PRKCE: variants seen among roughly 807,000 people sequenced by gnomAD.
The protein encoded by PRKCE is protein kinase C epsilon, also known as protein kinase C epsilon type.
Under a neutral mutation model 85.4 loss-of-function variants are expected in PRKCE, and 16 were observed. The observed-to-expected ratio is 0.19, with a 90% CI of 0.13 to 0.28. The LOEUF (loss-of-function observed/expected upper bound fraction) is 0.28, where lower values mean the gene tolerates loss of function less well. Ranked by LOEUF, PRKCE falls within the 10% of genes least tolerant of loss-of-function variation. The pLI, the probability that PRKCE is intolerant of heterozygous loss-of-function variation, is 1.00. For missense variants in PRKCE, 573 were observed against 975.2 expected, an observed-to-expected ratio of 0.59 and a Z score of 5.49; for synonymous variants, 388 against 371.5, an observed-to-expected ratio of 1.04 and a Z score of -0.51.
chr2:46,148,708 C>A (rs1417859920), intron 12 of PRKCE, among the ~76,000 whole-genome samples: 1 of 152,234 alleles, frequency 6.6e-6, no homozygotes, highest in East Asian at 1.9e-4. Context: ...CTCCTACCCT[C>A]TGGTACCTTA....
chr2:45,752,347 C>T (rs142722394), intron 1 of PRKCE, among the ~76,000 whole-genome samples: 2,754 of 152,254 alleles, frequency 0.018, 44 homozygotes, highest in South Asian at 0.053. Flanking sequence ...GAGTTTTAAA[C>T]CCCAGCAATC....
At position 45,784,293 on chromosome 2, in the gene PRKCE, T is replaced by G. The variant is rs6711432; in HGVS notation, c.349-58707T>G. On this transcript the variant is annotated intron_variant, in intron 1 of 14. Coordinates refer to ENST00000306156, the MANE Select transcript of PRKCE (RefSeq NM_005400.3). ...AAGGTGGTCTTTGCAGAGGGAGCAG[T>G]GTTGACAAGGCCCCTGTAGGCGTGA... is the stretch of plus-strand genomic sequence containing the variant. Among the ~76,000 whole-genome samples, 758 of 152,316 alleles carry G rather than the reference T, an allele frequency of 5.0e-3. 8 individuals carry two copies. The highest frequency in any genetic ancestry group is 0.018 in the African/African-American group (728 of 41,568).
chr2:45,725,774 T>G (rs1681013326), intron 1 of PRKCE, among the ~76,000 whole-genome samples: 1 of 151,328 alleles, frequency 6.6e-6, no homozygotes, highest in Non-Finnish European at 1.5e-5. Flanking sequence ...GAGGTTGCAG[T>G]GAACCGAGAT....
At chr2:45,882,373 C>T (rs916552798) in intron 2 of PRKCE, among the ~76,000 whole-genome samples, 1 of 152,216 alleles carries the variant, frequency 6.6e-6, no homozygotes, top group African/African-American at 2.4e-5. Flanking sequence ...ACAAGCATCA[C>T]ACGTGGGTTA....
intron 10 of PRKCE, among the ~76,000 whole-genome samples, chr2:46,075,316 G>A (rs1403857331): frequency 5.9e-5 from 9 of 151,996 alleles, no homozygotes; most frequent in Non-Finnish European, 1.3e-4. Flanking sequence ...GATTACAGGC[G>A]TGAGCCACCG....
At chr2:46,028,384 A>G (rs914950590) in intron 10 of PRKCE, among the ~76,000 whole-genome samples, 8 of 152,254 alleles carry the variant, frequency 5.3e-5, no homozygotes, top group African/African-American at 1.9e-4. Flanking sequence ...AACTAAGAAG[A>G]TGCCAAACAT....
At chr2:46,113,938 T>C (rs1314676299) in intron 11 of PRKCE, among the ~76,000 whole-genome samples, 2 of 152,226 alleles carry the variant, frequency 1.3e-5, no homozygotes, top group African/African-American at 4.8e-5. Context: ...TCTTCAAGAC[T>C]ATTCAAGATA....
intron 10 of PRKCE, among the ~76,000 whole-genome samples, chr2:46,064,710 C>G (rs1667458158): frequency 6.6e-6 from 1 of 152,184 alleles, no homozygotes; most frequent in African/African-American, 2.4e-5. Flanking sequence ...CCTCATTGGC[C>G]TAAAACTGGT....
intron 1 of PRKCE, among the ~76,000 whole-genome samples, chr2:45,810,597 T>TG (rs1688587057): frequency 6.6e-6 from 1 of 152,116 alleles, no homozygotes; most frequent in South Asian, 2.1e-4. Context: ...TGCAATGTTT[T>TG]GGGGAGGACA....
At chr2:45,984,746 C>T (rs1472535296) in intron 6 of PRKCE, 66 bp downstream of exon 6, 1 of 1,545,084 alleles carries the variant, frequency 6.5e-7, no homozygotes, top group East Asian at 2.3e-5. Flanking sequence ...GCCCCCATCC[C>T]TGCTTTATAA....
intron 1 of PRKCE, among the ~76,000 whole-genome samples, chr2:45,842,715 C>T (rs1259127116): frequency 6.6e-6 from 1 of 152,026 alleles, no homozygotes; most frequent in Non-Finnish European, 1.5e-5. Flanking sequence ...AGAAGCAGCA[C>T]TCTCTCTCTC....
Position 45,834,547 on chromosome 2 carries a change from C to T in PRKCE, c.349-8453C>T, listed in dbSNP as rs1194612593. Among the ~76,000 whole-genome samples the T allele has an allele frequency of 2.0e-5, 3 of 152,082 alleles. No individual in the cohort carries two copies. The East Asian group carries it at 5.8e-4, about 29-fold the overall frequency. ...TGCCTTTTGCTGATTAAGACTCCTT[C>T]TGGAGATAAGGACGTATGTGCAGAT... is the stretch of plus-strand genomic sequence containing the variant. On this transcript the variant is annotated intron_variant, in intron 1 of 14. Transcript: ENST00000306156.
At chr2:45,994,171 C>G (rs866867476) in intron 6 of PRKCE, among the ~76,000 whole-genome samples, 1 of 152,168 alleles carries the variant, frequency 6.6e-6, no homozygotes, top group African/African-American at 2.4e-5. Context: ...CAAAATAGGT[C>G]AAAGGTATAA....
intron 2 of PRKCE, among the ~76,000 whole-genome samples, chr2:45,969,526 G>A (rs1158192940): frequency 6.6e-6 from 1 of 152,102 alleles, no homozygotes; most frequent in East Asian, 1.9e-4. Context: ...GGTGTGCAGC[G>A]GGCCCAGCGT....
At chr2:46,086,152 C>T (rs1669616895) in intron 10 of PRKCE, 56 bp from the exon 11 acceptor site, 1 of 1,563,688 alleles carries the variant, frequency 6.4e-7, no homozygotes, top group Non-Finnish European at 8.7e-7. Context: ...CTAAGCTGGC[C>T]TGTGTGGGCA....
chr2:46,070,648 A>C (rs929273014), intron 10 of PRKCE, among the ~76,000 whole-genome samples: 1 of 151,288 alleles, frequency 6.6e-6, no homozygotes, highest in Non-Finnish European at 1.5e-5. Context: ...GTCTCAAAAA[A>C]AAAACAAAAA....
At chr2:45,866,203 C>T (rs1573664471) in intron 2 of PRKCE, among the ~76,000 whole-genome samples, 2 of 152,150 alleles carry the variant, frequency 1.3e-5, no homozygotes, top group African/African-American at 4.8e-5. Flanking sequence ...CATTGCTTTC[C>T]ACCTGGGGTT....
chr2:45,668,465 C>T (rs957923829), intron 1 of PRKCE, among the ~76,000 whole-genome samples: 4 of 151,946 alleles, frequency 2.6e-5, no homozygotes, highest in Non-Finnish European at 4.4e-5. Flanking sequence ...TCTTTATGTC[C>T]GACAGTTACT....
At chr2:45,829,620 G>A (rs898904022) in intron 1 of PRKCE, among the ~76,000 whole-genome samples, 1 of 152,218 alleles carries the variant, frequency 6.6e-6, no homozygotes, top group African/African-American at 2.4e-5. Context: ...AGAGGGCACA[G>A]GAACCTAGCA....
Sources: allele counts gnomAD v4.1 joint callset (sites outside exome capture counted in the v4.1 genomes callset), GRCh38; gene constraint gnomAD v4.1.1; transcripts MANE v1.5; gene names NCBI Gene and HGNC (gene_info 2026-07-23, HGNC 2026-07-21).